UGT2A3: variants seen among roughly 807,000 people sequenced by gnomAD.
UGT2A3 encodes UDP-glucuronosyltransferase 2A3.
Under a neutral mutation model 44.1 loss-of-function variants are expected in UGT2A3, and 55 were observed. The ratio of observed to expected loss-of-function variants is 1.25; its 90% CI spans 1.00 to 1.56. The LOEUF (loss-of-function observed/expected upper bound fraction) is 1.56. Ranked by LOEUF, UGT2A3 falls within the 40% of genes most tolerant of loss-of-function variation. The pLI is 0.00. For synonymous variants in UGT2A3, 243 were observed against 215.1 expected (o/e 1.13, Z -1.13); for missense variants, 733 against 621.6 (o/e 1.18, Z -1.91).
At chr4:68,942,914 A>G (rs967996377) in intron 2 of UGT2A3, among the ~76,000 whole-genome samples, 14 of 151,740 alleles carry the variant, frequency 9.2e-5, no homozygotes, top group Non-Finnish European at 1.3e-4. Flanking sequence ...TTTGAATGTT[A>G]TCACCACAAA....
chr4:68,934,448 TA>T (rs1401585111), intron 2 of UGT2A3, among the ~76,000 whole-genome samples: 1 of 151,954 alleles, frequency 6.6e-6, no homozygotes, highest in African/African-American at 2.4e-5. Context: ...TAAAATACTA[TA>T]TGGAAAATCA....
Position 68,930,783 on chromosome 4 carries a change from T to G in UGT2A3, c.1085-18A>C, listed in dbSNP as rs770516190. 2 of 1,524,960 alleles carry G rather than the reference T, an allele frequency of 1.3e-6. No individual in the cohort carries two copies. Among genetic ancestry groups the G allele is most frequent in the African/African-American group, 2.8e-5 (2 of 71,498 alleles). 94.5% of individuals were successfully genotyped at this position (1,524,960 alleles called of 1,614,324 possible). A position where few individuals can be genotyped will look rare whatever the true frequency, so the allele number is the denominator to read the frequency against. ...GGGATGACCTAGTATGTAAATTGGA[T>G]GAGAAATGGTGAGATATTTTATTCT... On this transcript the variant is annotated intron_variant, in intron 4 of 5. Transcript: ENST00000251566.
chr4:68,931,520 T>C (rs1717735448), intron 3 of UGT2A3, among the ~76,000 whole-genome samples: 2 of 152,030 alleles, frequency 1.3e-5, no homozygotes. Context: ...TTTAAAAAAA[T>C]AATTCAGCAG....
chr4:68,950,953 T>G, intron 1 of UGT2A3, 93 bp downstream of exon 1: 1 of 848,518 alleles, frequency 1.2e-6, no homozygotes. Context: ...AAAAACTCAT[T>G]GACCTGCATA....
chr4:68,941,085 T>C (rs1718170735), intron 2 of UGT2A3, among the ~76,000 whole-genome samples: 1 of 151,714 alleles, frequency 6.6e-6, no homozygotes, highest in South Asian at 2.1e-4. Context: ...GAAGAGCTAG[T>C]TGTTTTACAA....
chr4:68,930,225 T>C (rs540769553), intron 5 of UGT2A3, 133 bp from the exon 6 acceptor site: 11 of 1,057,040 alleles, frequency 1.0e-5, no homozygotes, highest in Middle Eastern at 3.2e-4. Flanking sequence ...GGTTGTGACA[T>C]GAATATTGTT....
chr4:68,931,016 T>C (rs1211769375), intron 4 of UGT2A3, 139 bp downstream of exon 4: 5 of 770,658 alleles, frequency 6.5e-6, no homozygotes, highest in African/African-American at 1.8e-5. Flanking sequence ...TTTTAGTCAA[T>C]CCTTTAATTA....
At chr4:68,935,855 G>A (rs1365015038) in intron 2 of UGT2A3, among the ~76,000 whole-genome samples, 1 of 152,096 alleles carries the variant, frequency 6.6e-6, no homozygotes, top group African/African-American at 2.4e-5. Flanking sequence ...AAACAGTGTA[G>A]AGAAGACCTT....
intron 2 of UGT2A3, among the ~76,000 whole-genome samples, chr4:68,936,308 A>G (rs1192063843): frequency 1.3e-5 from 2 of 152,148 alleles, no homozygotes; most frequent in Non-Finnish European, 2.9e-5. Flanking sequence ...AAAAGCAGCC[A>G]GAGAGAAAGG....
intron 1 of UGT2A3, among the ~76,000 whole-genome samples, chr4:68,947,158 G>C (rs540196237): frequency 6.6e-6 from 1 of 151,782 alleles, no homozygotes; most frequent in South Asian, 2.1e-4. Context: ...TTTACCCATA[G>C]TAGAATTTCT....
chr4:68,932,520 ATT>A, intron 3 of UGT2A3, 106 bp downstream of exon 3: 2 of 1,368,814 alleles, frequency 1.5e-6, no homozygotes, highest in Non-Finnish European at 2.0e-6. Flanking sequence ...TGTTTTGCAA[ATT>A]TTGGTACCTG....
intron 5 of UGT2A3, 65 bp downstream of exon 5, chr4:68,930,481 C>T (rs1717688309): frequency 1.4e-6 from 2 of 1,394,006 alleles, no homozygotes; most frequent in South Asian, 1.5e-5. Context: ...TGATATTTAA[C>T]ATTTTCTGGT....
At chr4:68,946,326 A>G (rs1056725756) in intron 1 of UGT2A3, among the ~76,000 whole-genome samples, 2 of 151,662 alleles carry the variant, frequency 1.3e-5, no homozygotes, top group African/African-American at 4.8e-5. Flanking sequence ...GTTATACACC[A>G]TAGTGTGGAG....
chr4:68,950,292 A>G (rs572659659), intron 1 of UGT2A3, among the ~76,000 whole-genome samples: 1 of 152,016 alleles, frequency 6.6e-6, no homozygotes, highest in Non-Finnish European at 1.5e-5. Context: ...AGTTCTGTGA[A>G]ACAGTCTATG....
rs1281235290 is a variant in UGT2A3, at chr4:68,932,729, C to A, written c.895G>T (p.Glu299Ter). The change falls in exon 3 of 6, where the codon GAA becomes TAA. Residue 299 changes from glutamate (E) to a stop codon, truncating the protein, a stop_gained. Transcript: ENST00000251566. LOFTEE classifies it high-confidence loss of function. ...EMENFVQSSG[E>*]DGIVVFSLGS... is the part of the protein sequence containing the mutation. Reference sequence around the variant, plus strand: ...AGAGAAAACACCACAATACCATCTTCCCCTGAACTCTGGACAAAATTTTCC... The same window carrying A: ...AGAGAAAACACCACAATACCATCTTACCCTGAACTCTGGACAAAATTTTCC... 6.2e-7 allele frequency: 1 copy of A among 1,610,066 alleles called. No individual in the cohort carries two copies. Among genetic ancestry groups the A allele is most frequent in the Non-Finnish European group, 8.5e-7 (1 of 1,177,768 alleles).
intron 2 of UGT2A3, among the ~76,000 whole-genome samples, chr4:68,940,062 G>A (rs564266967): frequency 2.0e-5 from 3 of 152,248 alleles, no homozygotes; most frequent in South Asian, 2.1e-4. Flanking sequence ...ATACTGGAGA[G>A]GATGTGGGGA....
chr4:68,943,564 C>G (rs565597995), intron 2 of UGT2A3, among the ~76,000 whole-genome samples: 1 of 151,670 alleles, frequency 6.6e-6, no homozygotes, highest in South Asian at 2.1e-4. Context: ...AATAGGTAAA[C>G]CCAGTATTGT....
chr4:68,944,339 G>A (rs1007229492), intron 2 of UGT2A3, among the ~76,000 whole-genome samples: 6 of 151,854 alleles, frequency 4.0e-5, no homozygotes, highest in East Asian at 2.0e-4. Flanking sequence ...AAAGTATCCC[G>A]TAAGAGGTAG....
intron 1 of UGT2A3, among the ~76,000 whole-genome samples, chr4:68,948,442 T>TC (rs1029485778): frequency 9.9e-5 from 11 of 110,796 alleles, no homozygotes; most frequent in African/African-American, 3.1e-4. Context: ...TTTTTTTCTT[T>TC]TTTTTTTTTT....
Sources: gnomAD v4.1 joint callset for allele counts (sites outside exome capture counted in the v4.1 genomes callset) on GRCh38, gnomAD v4.1.1 for gene constraint, MANE v1.5 for transcripts, NCBI Gene and HGNC (gene_info 2026-07-23, HGNC 2026-07-21) for gene names.